The following PCDHA11 variants were observed in gnomAD, a reference collection of about 807,000 sequenced individuals.
The protein encoded by PCDHA11 is protocadherin alpha 11, also known as protocadherin alpha-11.
Under a neutral mutation model 70.3 loss-of-function variants are expected in PCDHA11, and 61 were observed. The observed-to-expected ratio is 0.87, with a 90% CI of 0.71 to 1.07. The LOEUF is 1.07. PCDHA11 is among the 50% of genes least tolerant of loss of function. The pLI is 0.00. For missense variants in PCDHA11, 1,324 were observed against 1,237.5 expected, an observed-to-expected ratio of 1.07 and a Z score of -1.05; for synonymous variants, 633 against 555.1, an observed-to-expected ratio of 1.14 and a Z score of -1.97.
At chr5:140,888,613 A>C (rs782529480) in intron 1 of PCDHA11, among the ~76,000 whole-genome samples, 4 of 152,184 alleles carry the variant, frequency 2.6e-5, no homozygotes, top group Non-Finnish European at 5.9e-5. Flanking sequence ...TTAGTGTAGC[A>C]CTAATTCGGC....
At chr5:140,978,405 A>G (rs919688095) in intron 1 of PCDHA11, among the ~76,000 whole-genome samples, 1 of 152,220 alleles carries the variant, frequency 6.6e-6, no homozygotes, top group Non-Finnish European at 1.5e-5. Context: ...TCCCTCTTCA[A>G]TCAGAAAAGA....
At chr5:140,996,082 T>A (rs782553216) in intron 3 of PCDHA11, among the ~76,000 whole-genome samples, 6 of 152,248 alleles carry the variant, frequency 3.9e-5, no homozygotes, top group Non-Finnish European at 7.3e-5. Context: ...AAGATGTTTT[T>A]GCTAGATTAC....
chr5:140,869,766 G>T lies in PCDHA11; in HGVS notation c.663G>T (p.Glu221Asp). ...CAGCTACAGACGGGGGAAAACCAGA[G>T]CTTACTGGCACCGTTCGGCTGTTAG... Reference protein sequence around the residue: ...LLTATDGGKPELTGTVRLLVQ... With the variant: ...LLTATDGGKPDLTGTVRLLVQ... Residue 221 changes from glutamate to aspartate, a missense_variant, in exon 1 of 4, where the codon GAG becomes GAT. Transcript: ENST00000398640. 1 of 1,613,210 alleles carries T rather than the reference G, an allele frequency of 6.2e-7. No individual in the cohort carries two copies. The highest frequency in any genetic ancestry group is 8.5e-7 in the Non-Finnish European group (1 of 1,179,706).
At chr5:140,875,654 C>G in intron 1 of PCDHA11, 2 of 1,613,702 alleles carry the variant, frequency 1.2e-6, no homozygotes, top group Non-Finnish European at 8.5e-7. Flanking sequence ...GAGCTGGTGC[C>G]GCGCCTGTTC....
chr5:140,871,635 A>G, intron 1 of PCDHA11, 141 bp downstream of exon 1: 1 of 1,364,150 alleles, frequency 7.3e-7, no homozygotes, highest in Non-Finnish European at 9.8e-7. Context: ...ATGTCTGTTC[A>G]TAAAATACCA....
intron 1 of PCDHA11, among the ~76,000 whole-genome samples, chr5:140,947,556 A>C (rs1281977555): frequency 1.3e-5 from 2 of 151,584 alleles, no homozygotes; most frequent in Admixed American, 6.6e-5. Flanking sequence ...TTCCGCTGGG[A>C]TTTATATTGG....
At chr5:140,994,717 A>G (rs1350882833) in intron 3 of PCDHA11, among the ~76,000 whole-genome samples, 4 of 152,164 alleles carry the variant, frequency 2.6e-5, no homozygotes, top group African/African-American at 9.6e-5. Context: ...AAAAAAATTT[A>G]AAATACTGGG....
chr5:140,907,164 G>T (rs1554192895), intron 1 of PCDHA11, among the ~76,000 whole-genome samples: 2 of 152,098 alleles, frequency 1.3e-5, no homozygotes, highest in Non-Finnish European at 2.9e-5. Context: ...ACCATATATT[G>T]GATGCTGATT....
At chr5:140,928,928 C>T in intron 1 of PCDHA11, 3 of 1,614,130 alleles carry the variant, frequency 1.9e-6, no homozygotes, top group Non-Finnish European at 2.5e-6. Context: ...CAGCTTTCTG[C>T]CCAGAACTTG....
At position 140,882,112 on chromosome 5, in the gene PCDHA11, C is replaced by A. The variant is rs1399071152; in HGVS notation, c.2391+10618C>A. On this transcript the variant is annotated intron_variant, in intron 1 of 3. Transcript: ENST00000398640. ...CTGAGAACGTTTCCGCGAAGAAAGC[C>A]GCCGTTTCTTTCTTCCTGCAGAAAA... 4 of 1,384,574 alleles carry A rather than the reference C, an allele frequency of 2.9e-6. No individual in the cohort carries two copies. The Admixed American group carries it at 7.3e-5, about 25-fold the overall frequency. 85.8% of individuals were successfully genotyped at this position (1,384,574 alleles called of 1,614,324 possible).
chr5:140,916,227 C>T (rs1554197349), intron 1 of PCDHA11, among the ~76,000 whole-genome samples: 2 of 152,208 alleles, frequency 1.3e-5, no homozygotes, highest in African/African-American at 4.8e-5. Context: ...AATATGCTTT[C>T]CAGGAGCCAA....
chr5:140,926,780 G>A, intron 1 of PCDHA11: 2 of 1,397,714 alleles, frequency 1.4e-6, no homozygotes, highest in Non-Finnish European at 1.9e-6. Context: ...CAGCAGTGAC[G>A]GCCGGCAGGA....
chr5:140,896,615 G>A (rs1293256212), intron 1 of PCDHA11, among the ~76,000 whole-genome samples: 4 of 151,782 alleles, frequency 2.6e-5, no homozygotes, highest in African/African-American at 9.7e-5. Context: ...GGTCTTAAGT[G>A]ATCCACCTGC....
At position 140,870,595 on chromosome 5, in the gene PCDHA11, T is replaced by G. The variant is rs573002634; in HGVS notation, c.1492T>G (p.Leu498Val). ...LVSYSLVERR[L>V]GDRALSSYVS... ...GTCCTACTCGCTGGTGGAGCGGCGG[T>G]TGGGCGACCGCGCGCTGTCGAGCTA... Residue 498 changes from leucine to valine, a missense_variant, in exon 1 of 4, where the codon TTG becomes GTG. By Grantham distance (32) the Leu-to-Val change is conservative. Transcript: ENST00000398640. The G allele has an allele frequency of 8.9e-5, 144 of 1,613,242 alleles. No homozygotes were observed. The South Asian group carries it at 9.4e-4, about 11-fold the overall frequency.
chr5:140,985,498 C>G (rs540282855), intron 3 of PCDHA11, among the ~76,000 whole-genome samples: 2 of 152,274 alleles, frequency 1.3e-5, no homozygotes, highest in African/African-American at 4.8e-5. Flanking sequence ...ATAGAGCCTG[C>G]CTTTCATTGA....
chr5:140,881,587 GAAAT>G (rs2058760366), intron 1 of PCDHA11, among the ~76,000 whole-genome samples: 1 of 152,186 alleles, frequency 6.6e-6, no homozygotes, highest in Non-Finnish European at 1.5e-5. Context: ...CACATTGAGG[GAAAT>G]TTATTAATAT....
chr5:140,930,494 A>T (rs1238249815), intron 1 of PCDHA11: 3 of 152,500 alleles, frequency 2.0e-5, no homozygotes, highest in Admixed American at 6.6e-5. Flanking sequence ...AAGTGCTGGG[A>T]TTACAGGCAT....
At chr5:140,967,051 G>C in intron 1 of PCDHA11, 2 of 1,612,562 alleles carry the variant, frequency 1.2e-6, no homozygotes, top group Non-Finnish European at 1.7e-6. Context: ...TGGACCTGAC[G>C]AGTGGAGCGC....
rs143656335 is a variant in PCDHA11, at chr5:140,968,986, A to G, written c.2392-9963A>G. 244 of 1,614,206 alleles carry G rather than the reference A, an allele frequency of 1.5e-4. No individual in the cohort carries two copies. In the African/African-American group the frequency reaches 3.0e-3, roughly 20 times the overall value. On this transcript the variant is annotated intron_variant, in intron 1 of 3. Transcript: ENST00000398640. ...ACCGCTACACTGCGTATGGCACTGC[A>G]TGCTGTGGAGGCTTCTGTGGAGTAA...
Sources: gnomAD v4.1 joint callset for allele counts (sites outside exome capture counted in the v4.1 genomes callset) on GRCh38, gnomAD v4.1.1 for gene constraint, MANE v1.5 for transcripts, NCBI Gene and HGNC (gene_info 2026-07-23, HGNC 2026-07-21) for gene names.